Variants in PTPRA observed in about 807,000 individuals in gnomAD.
PTPRA encodes the protein receptor-type tyrosine-protein phosphatase alpha.
PTPRA carries 25 observed loss-of-function variants against 104.8 expected under a neutral mutation model. That is an observed-to-expected ratio of 0.24 (90% CI 0.17 to 0.33). The LOEUF (loss-of-function observed/expected upper bound fraction) is 0.33, where lower values mean the gene tolerates loss of function less well. Ranked by LOEUF, PTPRA falls within the 10% of genes least tolerant of loss-of-function variation. The pLI is 1.00. For missense variants in PTPRA, 765 were observed against 1,015.3 expected (o/e 0.75, Z 3.35); for synonymous variants, 323 against 368.9 (o/e 0.88, Z 1.43).
At chr20:3,015,720 G>T in intron 11 of PTPRA, 129 bp from the exon 12 acceptor site, 2 of 710,140 alleles carry the variant, frequency 2.8e-6, no homozygotes, top group South Asian at 3.6e-5. Context: ...TGAATATCTA[G>T]ACTGGAAATC....
intron 20 of PTPRA, among the ~76,000 whole-genome samples, chr20:3,028,200 C>G (rs999821877): frequency 2.0e-5 from 3 of 152,032 alleles, no homozygotes; most frequent in African/African-American, 7.2e-5. Flanking sequence ...GGCACCCTCT[C>G]CTTCCCAGTG....
At chr20:2,902,017 C>T (rs2059257149) in intron 1 of PTPRA, among the ~76,000 whole-genome samples, 1 of 151,992 alleles carries the variant, frequency 6.6e-6, no homozygotes, top group South Asian at 2.1e-4. Context: ...TCCCGAGAAC[C>T]TGGGACTACA....
At chr20:2,877,322 G>T (rs571281395) in intron 1 of PTPRA, among the ~76,000 whole-genome samples, 2 of 152,156 alleles carry the variant, frequency 1.3e-5, no homozygotes, top group African/African-American at 4.8e-5. Context: ...ATGCAATGGC[G>T]CTATCTTGGC....
chr20:2,969,581 GCGGCGGCT>G (rs1568674964), intron 5 of PTPRA, among the ~76,000 whole-genome samples: 2 of 143,266 alleles, frequency 1.4e-5, no homozygotes, highest in Non-Finnish European at 3.1e-5. Context: ...TAGGCCGGGC[GCGGCGGCT>G]CATGCCTGTA....
intron 1 of PTPRA, among the ~76,000 whole-genome samples, chr20:2,911,206 AT>A (rs1425996245): frequency 6.6e-6 from 1 of 151,940 alleles, no homozygotes; most frequent in East Asian, 1.9e-4. Flanking sequence ...AGGATTCCAG[AT>A]TTTCCTAGTT....
chr20:2,925,775 A>C (rs374461696), intron 2 of PTPRA, among the ~76,000 whole-genome samples: 1 of 152,304 alleles, frequency 6.6e-6, no homozygotes, highest in East Asian at 1.9e-4. Flanking sequence ...AGATGGTGCT[A>C]CTGCACTCCA....
intron 1 of PTPRA, among the ~76,000 whole-genome samples, chr20:2,914,699 A>C (rs758605459): frequency 2.0e-5 from 3 of 152,006 alleles, no homozygotes; most frequent in Non-Finnish European, 4.4e-5. Context: ...AGCCCCACCT[A>C]ATGGTTTTTA....
intron 20 of PTPRA, among the ~76,000 whole-genome samples, chr20:3,034,641 G>A (rs2065710969): frequency 6.6e-6 from 1 of 151,934 alleles, no homozygotes; most frequent in African/African-American, 2.4e-5. Context: ...GAACATGGGT[G>A]GAAAAGCACT....
chr20:2,923,957 C>T lies in PTPRA; in HGVS notation c.-50+672C>T, dbSNP rs567195584. Among the ~76,000 whole-genome samples the T allele has an allele frequency of 7.2e-5, 11 of 152,262 alleles. No individual in the cohort carries two copies. In the East Asian group the frequency reaches 1.4e-3, roughly 19 times the overall value. Reference sequence around the variant, plus strand: ...TTTGGCAATATCTGCAAAACATACACGTATCTAATAACCCAGGAATTTCAA... The same window carrying T: ...TTTGGCAATATCTGCAAAACATACATGTATCTAATAACCCAGGAATTTCAA... On this transcript the variant is annotated intron_variant, in intron 2 of 23. Coordinates refer to ENST00000399903, the MANE Select transcript of PTPRA (RefSeq NM_001385305.1).
chr20:2,877,300 G>C (rs899686328), intron 1 of PTPRA, among the ~76,000 whole-genome samples: 1 of 152,108 alleles, frequency 6.6e-6, no homozygotes. Flanking sequence ...TGCTCTTGTT[G>C]CCCAGGCTGG....
intron 20 of PTPRA, among the ~76,000 whole-genome samples, chr20:3,032,911 AT>A (rs34489806): frequency 0.1 from 14,886 of 143,724 alleles, 993 homozygotes; most frequent in Non-Finnish European, 0.14. Flanking sequence ...CTCTTTTCTG[AT>A]TTTTTTTTTT....
intron 5 of PTPRA, among the ~76,000 whole-genome samples, chr20:2,974,422 G>T (rs1257944629): frequency 6.7e-6 from 1 of 148,518 alleles, no homozygotes; most frequent in Non-Finnish European, 1.5e-5. Context: ...AGCCCATTTT[G>T]GTTTTGATTT....
chr20:2,998,505 T>A (rs974686699), intron 9 of PTPRA, among the ~76,000 whole-genome samples: 1 of 151,980 alleles, frequency 6.6e-6, no homozygotes, highest in Admixed American at 6.6e-5. Flanking sequence ...GTCCAGAGAG[T>A]TGGGAGTTTG....
At chr20:2,885,934 C>T (rs181702110) in intron 1 of PTPRA, among the ~76,000 whole-genome samples, 26 of 152,166 alleles carry the variant, frequency 1.7e-4, no homozygotes, top group Admixed American at 6.5e-4. Flanking sequence ...CGTGGTGGCA[C>T]GCACCTATAA....
intron 20 of PTPRA, among the ~76,000 whole-genome samples, chr20:3,032,873 G>A (rs999541604): frequency 6.7e-6 from 1 of 150,264 alleles, no homozygotes; most frequent in Non-Finnish European, 1.5e-5. Context: ...ACCAGTGACT[G>A]TCCTCTTGCC....
Position 2,953,050 on chromosome 20 carries a change from T to C in PTPRA, c.-7+5026T>C, listed in dbSNP as rs1454183588. Among the ~76,000 whole-genome samples the C allele has an allele frequency of 2.6e-5, 4 of 152,350 alleles. No homozygotes were observed. In the East Asian group the frequency reaches 7.7e-4, roughly 29 times the overall value. ...TATCTGTTCGAGTTCCTGCTTTCAATTCTTTTGAGTATGTTCCCAAAAGTA... is the reference window on the plus strand; with the variant it reads ...TATCTGTTCGAGTTCCTGCTTTCAACTCTTTTGAGTATGTTCCCAAAAGTA... On this transcript the variant is annotated intron_variant, in intron 3 of 23. Coordinates refer to ENST00000399903, the MANE Select transcript of PTPRA (RefSeq NM_001385305.1).
intron 14 of PTPRA, among the ~76,000 whole-genome samples, chr20:3,021,643 G>A (rs2064875759): frequency 6.6e-6 from 1 of 152,180 alleles, no homozygotes; most frequent in African/African-American, 2.4e-5. Context: ...GATGAAGTCT[G>A]ATCATTTAGA....
chr20:3,017,569 A>T (rs2064527999), intron 12 of PTPRA, among the ~76,000 whole-genome samples: 1 of 152,178 alleles, frequency 6.6e-6, no homozygotes. Context: ...GGGAGACATC[A>T]TTCGTGTTCT....
chr20:2,982,699 T>A (rs1741733), intron 6 of PTPRA, among the ~76,000 whole-genome samples: 134,519 of 149,274 alleles, frequency 0.9, 60,405 homozygotes, highest in African/African-American at 0.96. Context: ...ATAACAGCAA[T>A]TTTTTTTTTT....
Sources: gnomAD v4.1 joint callset for allele counts (sites outside exome capture counted in the v4.1 genomes callset) on GRCh38, gnomAD v4.1.1 for gene constraint, MANE v1.5 for transcripts, NCBI Gene and HGNC (gene_info 2026-07-23, HGNC 2026-07-21) for gene names.